MELK: variants seen among roughly 807,000 people sequenced by gnomAD.
MELK encodes maternal embryonic leucine zipper kinase.
A neutral mutation model predicts 85.0 loss-of-function variants in MELK; 81 were observed. The ratio of observed to expected loss-of-function variants is 0.95; its 90% CI spans 0.80 to 1.15. MELK has a LOEUF of 1.15. MELK is among the 50% of genes most tolerant of loss of function. The pLI is 0.00. For missense variants in MELK, 754 were observed against 777.5 expected (o/e 0.97, Z 0.36); for synonymous variants, 252 against 265.0 (o/e 0.95, Z 0.48).
At position 36,677,206 on chromosome 9, in the gene MELK, A is replaced by G. The variant is rs1833420885; in HGVS notation, c.1825A>G (p.Met609Val). The change falls in exon 18 of 18, where the codon ATG becomes GTG. Residue 609 changes from methionine to valine, a missense_variant. By Grantham distance (21) the Met-to-Val change is conservative. Transcript: ENST00000298048. ...QTQSDFGKVT[M>V]QFELEVCQLQ... ...ACAGTCAGATTTTGGGAAAGTGACA[A>G]TGCAATTTGAATTAGAAGTGTGCCA... The G allele has an allele frequency of 1.2e-6, 2 of 1,613,868 alleles. No homozygotes were observed. The highest frequency in any genetic ancestry group is 1.3e-5 in the African/African-American group (1 of 74,936).
In MELK at chr9:36,677,248, GT is replaced by G; in HGVS notation, c.1868del (p.Val623GlyfsTer19). ...LEVCQLQKPD[V>X]VGIRRQRLKG... ...AGTGTGCCAGCTTCAAAAACCCGAT[GT>G]GGTGGGTATCAGGAGGCAGCGGCTT... On this transcript the variant is annotated frameshift_variant, in exon 18 of 18. Transcript: ENST00000298048. LOFTEE classifies it high-confidence loss of function. 1.2e-6 allele frequency: 2 copies of G among 1,614,162 alleles called. No homozygotes were observed. Among genetic ancestry groups the G allele is most frequent in the Non-Finnish European group, 1.7e-6 (2 of 1,180,008 alleles).
intron 5 of MELK, among the ~76,000 whole-genome samples, chr9:36,596,212 T>TA (rs1411276933): frequency 6.6e-6 from 1 of 152,208 alleles, no homozygotes; most frequent in Non-Finnish European, 1.5e-5. Context: ...TGTTTGCTTG[T>TA]AGTTGACTCT....
At chr9:36,601,879 T>G (rs1824964738) in intron 7 of MELK, among the ~76,000 whole-genome samples, 1 of 152,226 alleles carries the variant, frequency 6.6e-6, no homozygotes, top group East Asian at 1.9e-4. Context: ...GGTTCATGCA[T>G]GTTGTAGCAT....
At chr9:36,597,337 AT>A (rs1376069229) in intron 6 of MELK, 47 bp downstream of exon 6, 2 of 1,505,800 alleles carry the variant, frequency 1.3e-6, no homozygotes, top group Non-Finnish European at 1.8e-6. Context: ...AAATGCATTT[AT>A]TTCTTAGTGT....
chr9:36,633,154 T>C lies in MELK; in HGVS notation c.788T>C (p.Ile263Thr). 6.2e-7 allele frequency: 1 copy of C among 1,610,578 alleles called. No individual in the cohort carries two copies. Residue 263 changes from isoleucine (I) to threonine (T), a missense_variant, in exon 10 of 18, where the codon ATC (isoleucine) becomes ACC (threonine). Transcript: ENST00000298048. Reference protein sequence around the residue: ...SMKNLLNHPWIMQDYNYPVEW... With the variant: ...SMKNLLNHPWTMQDYNYPVEW... ...AAAAATCTATTGAACCATCCCTGGA[T>C]CATGCAAGATTACAACTATCCTGTT...
intron 5 of MELK, 138 bp downstream of exon 5, chr9:36,594,909 T>G (rs1824025406): frequency 1.0e-6 from 1 of 976,842 alleles, no homozygotes; most frequent in Non-Finnish European, 1.4e-6. Context: ...CTATCAGATT[T>G]CTTTTTTCCT....
chr9:36,654,988 A>T (rs1308857286), intron 12 of MELK, among the ~76,000 whole-genome samples: 1 of 152,132 alleles, frequency 6.6e-6, no homozygotes, highest in African/African-American at 2.4e-5. Context: ...GGTGTTGTTT[A>T]TAAGAAAGTA....
At chr9:36,576,358 T>C (rs1821644570) in intron 1 of MELK, among the ~76,000 whole-genome samples, 1 of 152,190 alleles carries the variant, frequency 6.6e-6, no homozygotes, top group Non-Finnish European at 1.5e-5. Flanking sequence ...GGAAATGGCT[T>C]AATATTGTTT....
intron 10 of MELK, among the ~76,000 whole-genome samples, chr9:36,637,335 G>A (rs1002396055): frequency 6.6e-6 from 1 of 152,136 alleles, no homozygotes; most frequent in Non-Finnish European, 1.5e-5. Flanking sequence ...AAAATGAAAA[G>A]CAACTATTTA....
intron 11 of MELK, among the ~76,000 whole-genome samples, chr9:36,649,214 C>T (rs904918088): frequency 6.6e-6 from 1 of 152,112 alleles, no homozygotes. Flanking sequence ...GGGCTAGGTG[C>T]GGCGGCTCAC....
In MELK at chr9:36,599,438, T is replaced by C. The variant is rs747977478; in HGVS notation, c.519T>C (p.Ala173=). 6.2e-7 allele frequency: 1 copy of C among 1,613,820 alleles called. No individual in the cohort carries two copies. The change falls in exon 7 of 18, where the codon GCT becomes GCC. Residue 173 remains alanine (A), a synonymous_variant. Transcript: ENST00000298048. ...YHLQTCCGSL[A]YAAPELIQGK... The stretch of plus-strand genomic sequence containing the variant: ...TACAGACATGCTGTGGGAGTCTGGC[T>C]TATGCAGCACCTGAGTTAATACAAG...
intron 12 of MELK, 100 bp downstream of exon 12, chr9:36,651,977 G>T: frequency 8.6e-7 from 1 of 1,164,250 alleles, no homozygotes; most frequent in Non-Finnish European, 1.1e-6. Flanking sequence ...GGAGTCAGAG[G>T]CAAGATGTTT....
At chr9:36,576,355 G>C (rs1821643907) in intron 1 of MELK, among the ~76,000 whole-genome samples, 1 of 152,126 alleles carries the variant, frequency 6.6e-6, no homozygotes, top group Non-Finnish European at 1.5e-5. Context: ...CTAGGAAATG[G>C]CTTAATATTG....
At chr9:36,593,841 G>A (rs1189261849) in intron 4 of MELK, among the ~76,000 whole-genome samples, 2 of 152,078 alleles carry the variant, frequency 1.3e-5, no homozygotes, top group Admixed American at 6.6e-5. Context: ...ACAGGCGCCC[G>A]CCACCACGCC....
At chr9:36,626,923 A>G (rs1212012708) in intron 8 of MELK, among the ~76,000 whole-genome samples, 1 of 150,920 alleles carries the variant, frequency 6.6e-6, no homozygotes, top group African/African-American at 2.4e-5. Context: ...CACTCATTGC[A>G]TTCCAGCCTG....
In MELK at chr9:36,590,276, C is replaced by T. The variant is rs528595098; in HGVS notation, c.261+624C>T. On this transcript the variant is annotated intron_variant, in intron 4 of 17. Coordinates refer to ENST00000298048, the MANE Select transcript of MELK (RefSeq NM_014791.4). ...CTAGGGCTGTTGGAACAAATTACTA[C>T]AGACTTGGTGGCTTAAAGCAACAGA... is the stretch of plus-strand genomic sequence containing the variant. Among the ~76,000 whole-genome samples the T allele has an allele frequency of 3.7e-3, 568 of 152,238 alleles. 2 individuals are homozygous for T. The highest frequency in any genetic ancestry group is 6.0e-3 in the Non-Finnish European group (409 of 68,030).
intron 8 of MELK, among the ~76,000 whole-genome samples, chr9:36,627,089 C>T (rs1010018206): frequency 6.6e-6 from 1 of 151,058 alleles, no homozygotes; most frequent in Non-Finnish European, 1.5e-5. Context: ...CACACACACA[C>T]GCCAACTGTA....
At chr9:36,595,796 A>T (rs1222756153) in intron 5 of MELK, among the ~76,000 whole-genome samples, 1 of 151,594 alleles carries the variant, frequency 6.6e-6, no homozygotes, top group African/African-American at 2.4e-5. Context: ...TATTTTATAT[A>T]TGTATGTATG....
At chr9:36,574,284 C>T (rs1268477812) in intron 1 of MELK, among the ~76,000 whole-genome samples, 1 of 152,044 alleles carries the variant, frequency 6.6e-6, no homozygotes, top group East Asian at 1.9e-4. Flanking sequence ...TGTTACAGGC[C>T]ACATTATAAA....
Sources: allele counts gnomAD v4.1 joint callset (sites outside exome capture counted in the v4.1 genomes callset), GRCh38; gene constraint gnomAD v4.1.1; transcripts MANE v1.5; gene names NCBI Gene and HGNC (gene_info 2026-07-23, HGNC 2026-07-21).